The following SACS variants were observed in gnomAD, a reference collection of about 807,000 sequenced individuals.
SACS encodes the protein sacsin.
SACS carries 197 observed loss-of-function variants against 348.0 expected under a neutral mutation model. That is an observed-to-expected ratio of 0.57 (90% CI 0.50 to 0.64). The LOEUF (loss-of-function observed/expected upper bound fraction) is 0.64. Ranked by LOEUF, SACS falls within the 30% of genes least tolerant of loss-of-function variation. The pLI is 0.00. For synonymous variants in SACS, 1,985 were observed against 1,910.6 expected (o/e 1.04, Z -1.02); for missense variants, 4,999 against 5,360.8 (o/e 0.93, Z 2.11).
Position 23,330,612 on chromosome 13 carries a change from G to A in SACS, c.13264C>T (p.Pro4422Ser). 1 of 1,613,820 alleles carries A rather than the reference G, an allele frequency of 6.2e-7. No homozygotes were observed. Among genetic ancestry groups the A allele is most frequent in the Non-Finnish European group, 8.5e-7 (1 of 1,179,968 alleles). The part of the protein sequence containing the change: ...RQQQNKEKCP[P>S]SAGQTYSQRF... ...TGAGAGTAAGTCTGTCCGGCTGAAG[G>A]GGGGCATTTTTCTTTGTTCTGTTGC... is the stretch of plus-strand genomic sequence containing the variant. Residue 4422 changes from proline to serine, a missense_variant, in exon 10 of 10, where the codon CCT (proline) becomes TCT (serine). This residue lies in a region of SACS where 254 missense variants were observed against 275.1 expected (regional missense o/e 0.92). Transcript: ENST00000382292.
At position 23,354,766 on chromosome 13, in the gene SACS, C is replaced by G. The variant is rs200437752; in HGVS notation, c.1846G>C (p.Ala616Pro). 47 of 1,614,042 alleles carry G rather than the reference C, an allele frequency of 2.9e-5. No homozygotes were observed. Among genetic ancestry groups the G allele is most frequent in the Non-Finnish European group, 3.6e-5 (43 of 1,179,972 alleles). Residue 616 changes from alanine (A) to proline (P), a missense_variant, in exon 8 of 10, where the codon GCT becomes CCT. Physicochemically the swap from Ala to Pro is conservative, Grantham distance 27. Coordinates refer to ENST00000382292, the MANE Select transcript of SACS (RefSeq NM_014363.6). ...GNVDAAVQLT[A>P]ASGTTPVRKV... Reference sequence around the variant, plus strand: ...CTCACAGGTGTTGTGCCAGAGGCAGCTGTGAGCTGAACAGCAGCATCCACA... The same window carrying G: ...CTCACAGGTGTTGTGCCAGAGGCAGGTGTGAGCTGAACAGCAGCATCCACA...
chr13:23,365,320 T>C (rs1280356124), intron 5 of SACS, 43 bp from the exon 6 acceptor site: 9 of 1,043,724 alleles, frequency 8.6e-6, no homozygotes. Flanking sequence ...AATAACACAG[T>C]AATCTACTGC....
Position 23,331,786 on chromosome 13 carries a change from A to G in SACS, c.12090T>C (p.Asn4030=), listed in dbSNP as rs896467064. The G allele has an allele frequency of 3.7e-6, 6 of 1,613,782 alleles. No individual in the cohort carries two copies. The highest frequency in any genetic ancestry group is 1.3e-5 in the African/African-American group (1 of 74,898). Residue 4030 remains asparagine, a synonymous_variant, in exon 10 of 10, where the codon AAT becomes AAC. Transcript: ENST00000382292. ...TGCAAAGTCTTATGGCTTTTTCTTC[A>G]TTGGCCAGAAAAGCATTATCATTTT... ...KHENDNAFLA[N]EEKAIRLCKA...
Position 23,338,320 on chromosome 13 carries a change from C to G in SACS, c.5556G>C (p.Gln1852His). 1.2e-6 allele frequency: 2 copies of G among 1,614,168 alleles called. No homozygotes were observed. Among genetic ancestry groups the G allele is most frequent in the Middle Eastern group, 1.6e-4 (1 of 6,062 alleles). ...GLVPCGAVGV[Q>H]LSEIQDQKWT... is the part of the protein sequence containing the mutation. Reference sequence around the variant, plus strand: ...ACTTCTGGTCCTGGATTTCTGACAGCTGAACTCCTACTGCCCCACATGGAA... The same window carrying G: ...ACTTCTGGTCCTGGATTTCTGACAGGTGAACTCCTACTGCCCCACATGGAA... Residue 1852 changes from glutamine to histidine, a missense_variant, in exon 10 of 10, where the codon CAG (glutamine) becomes CAC (histidine). Gln to His is a conservative substitution (Grantham distance 24). Coordinates refer to ENST00000382292, the MANE Select transcript of SACS (RefSeq NM_014363.6).
chr13:23,375,422 C>A, intron 2 of SACS, 153 bp from the exon 3 acceptor site: 1 of 1,207,370 alleles, frequency 8.3e-7, no homozygotes, highest in South Asian at 4.0e-5. Context: ...TCACGGCCGG[C>A]CCTACCGCGT....
intron 2 of SACS, among the ~76,000 whole-genome samples, chr13:23,397,014 A>G (rs1429718763): frequency 6.8e-6 from 1 of 146,564 alleles, no homozygotes; most frequent in Non-Finnish European, 1.5e-5. Context: ...TTGTTAATAA[A>G]TATGAAAAAT....
chr13:23,417,889 C>A (rs2137982750), intron 1 of SACS, among the ~76,000 whole-genome samples: 1 of 151,796 alleles, frequency 6.6e-6, no homozygotes, highest in East Asian at 1.9e-4. Context: ...GGCAACACAG[C>A]AAAACCCCAT....
chr13:23,376,799 C>G (rs1188753504), intron 2 of SACS, among the ~76,000 whole-genome samples: 5 of 152,214 alleles, frequency 3.3e-5, no homozygotes, highest in Non-Finnish European at 7.3e-5. Flanking sequence ...CATCTGTAAT[C>G]CCAGCGCTTT....
At chr13:23,344,967 ATAT>A (rs1458612552) in intron 9 of SACS, among the ~76,000 whole-genome samples, 5 of 152,218 alleles carry the variant, frequency 3.3e-5, no homozygotes, top group African/African-American at 1.2e-4. Flanking sequence ...ACAGATGGAA[ATAT>A]TATATATAGT....
chr13:23,400,226 C>A (rs1285760903), intron 2 of SACS, among the ~76,000 whole-genome samples: 1 of 152,130 alleles, frequency 6.6e-6, no homozygotes, highest in Non-Finnish European at 1.5e-5. Context: ...GAGGTTAAAT[C>A]TTTTTCCCTT....
intron 3 of SACS, among the ~76,000 whole-genome samples, chr13:23,373,666 G>A (rs1871541260): frequency 1.3e-5 from 2 of 152,166 alleles, no homozygotes; most frequent in South Asian, 4.1e-4. Context: ...TGGGCGTGGT[G>A]GCACACGCCT....
At position 23,334,902 on chromosome 13, in the gene SACS, G is replaced by A. The variant is rs1593125644; in HGVS notation, c.8974C>T (p.Leu2992Phe). 3.1e-6 allele frequency: 5 copies of A among 1,613,828 alleles called. No homozygotes were observed. Among genetic ancestry groups the A allele is most frequent in the Non-Finnish European group, 4.2e-6 (5 of 1,179,838 alleles). The change falls in exon 10 of 10, where the codon CTT becomes TTT. Residue 2992 changes from leucine (L) to phenylalanine (F), a missense_variant. Transcript: ENST00000382292. ...TTTGGAGCCCGCACAACAGGTAAAAGACGTTTCATGTCTTCGTGAATGCAA... is the reference window on the plus strand; with the variant it reads ...TTTGGAGCCCGCACAACAGGTAAAAAACGTTTCATGTCTTCGTGAATGCAA... ...YNCIHEDMKR[L>F]LPVVRAPNID...
chr13:23,433,414 G>C (rs956260204), intron 1 of SACS, among the ~76,000 whole-genome samples: 1 of 152,178 alleles, frequency 6.6e-6, no homozygotes, highest in Non-Finnish European at 1.5e-5. Flanking sequence ...CACGCTGAAG[G>C]CCCTCTCGTC....
chr13:23,355,522 G>A lies in SACS; in HGVS notation c.1090C>T (p.Pro364Ser), dbSNP rs1870310272. 6.2e-7 allele frequency: 1 copy of A among 1,614,078 alleles called. No individual in the cohort carries two copies. Among genetic ancestry groups the A allele is most frequent in the African/African-American group, 1.3e-5 (1 of 75,008 alleles). ...GTTACACAGGTGATGTTATTGCTTG[G>A]AGTCTTTTTACAATAGTTACTTATA... Reference protein sequence around the residue: ...TAISNYCKKTPSNNITCVTYH... With the variant: ...TAISNYCKKTSSNNITCVTYH... The change falls in exon 8 of 10, where the codon CCA (proline) becomes TCA (serine). Residue 364 changes from proline to serine, a missense_variant. Physicochemically the swap from Pro to Ser is moderately conservative, Grantham distance 74. Coordinates refer to ENST00000382292, the MANE Select transcript of SACS (RefSeq NM_014363.6).
At position 23,335,025 on chromosome 13, in the gene SACS, C is replaced by A; in HGVS notation, c.8851G>T (p.Val2951Phe). 1 of 1,613,604 alleles carries A rather than the reference C, an allele frequency of 6.2e-7. No homozygotes were observed. The highest frequency in any genetic ancestry group is 8.5e-7 in the Non-Finnish European group (1 of 1,179,656). Residue 2951 changes from valine to phenylalanine, a missense_variant, in exon 10 of 10, where the codon GTT becomes TTT. Physicochemically the swap from Val to Phe is conservative, Grantham distance 50 (BLOSUM62 -1). This residue lies in a region of SACS where 734 missense variants were observed against 694.0 expected (regional missense o/e 1.06). Transcript: ENST00000382292. This position sits in a 1 kb window ranked among gnomAD's most constrained non-coding sequence, Gnocchi z 4.7. Reference protein sequence around the residue: ...LSVLQNTPIHVVKDTLKKFLS... With the variant: ...LSVLQNTPIHFVKDTLKKFLS... ...AACTTCTTTAAAGTGTCCTTTACAACATGAATAGGGGTGTTCTGTAACACT... is the reference window on the plus strand; with the variant it reads ...AACTTCTTTAAAGTGTCCTTTACAAAATGAATAGGGGTGTTCTGTAACACT...
intron 2 of SACS, among the ~76,000 whole-genome samples, chr13:23,382,500 G>C (rs1872100299): frequency 6.6e-6 from 1 of 152,006 alleles, no homozygotes; most frequent in Admixed American, 6.6e-5. Context: ...ATATTAAATA[G>C]TTATAAAATG....
Position 23,389,287 on chromosome 13 carries a change from G to A in SACS, c.21-14018C>T, listed in dbSNP as rs182967456. Among the ~76,000 whole-genome samples, 218 of 152,090 alleles carry A rather than the reference G, an allele frequency of 1.4e-3. 1 individual carries two copies. In the East Asian group the frequency reaches 0.028, roughly 20 times the overall value. ...ACTGTGCTCCTGAAATGATGTGAAAGGTTACAGCTTTATTAAGTTGCCCAA... is the reference window on the plus strand; with the variant it reads ...ACTGTGCTCCTGAAATGATGTGAAAAGTTACAGCTTTATTAAGTTGCCCAA... On this transcript the variant is annotated intron_variant, in intron 2 of 9. Transcript: ENST00000382292.
intron 2 of SACS, among the ~76,000 whole-genome samples, chr13:23,406,064 C>A (rs1348836036): frequency 2.6e-5 from 4 of 152,304 alleles, no homozygotes; most frequent in Admixed American, 1.3e-4. Context: ...TCATTCTACT[C>A]TAAAGACACA....
chr13:23,407,494 C>T (rs1873280886), intron 2 of SACS, among the ~76,000 whole-genome samples: 1 of 152,178 alleles, frequency 6.6e-6, no homozygotes, highest in African/African-American at 2.4e-5. Flanking sequence ...CCACCACGCC[C>T]GGCCTGTTTT....
Sources: allele counts gnomAD v4.1 joint callset (sites outside exome capture counted in the v4.1 genomes callset), GRCh38; gene constraint gnomAD v4.1.1; regional missense constraint gnomAD v4.1.1; non-coding constraint Gnocchi (gnomAD v3.1); transcripts MANE v1.5; gene names NCBI Gene and HGNC (gene_info 2026-07-23, HGNC 2026-07-21).